Variants in EXOC7 observed in about 807,000 individuals in gnomAD.
EXOC7 encodes exocyst complex component 7.
A neutral mutation model predicts 87.6 loss-of-function variants in EXOC7; 51 were observed. That is an observed-to-expected ratio of 0.58 (90% CI 0.46 to 0.73). The LOEUF is 0.73. Ranked by LOEUF, EXOC7 falls within the 30% of genes least tolerant of loss-of-function variation. The pLI, the probability that EXOC7 is intolerant of heterozygous loss-of-function variation, is 0.00. For synonymous variants in EXOC7, 327 were observed against 357.1 expected (o/e 0.92, Z 0.95); for missense variants, 744 against 888.4 (o/e 0.84, Z 2.07).
At position 76,086,156 on chromosome 17, in the gene EXOC7, A is replaced by C. The variant is rs771491678; in HGVS notation, c.1430-11T>G. 6 of 1,613,054 alleles carry C rather than the reference A, an allele frequency of 3.7e-6. No homozygotes were observed. Among genetic ancestry groups the C allele is most frequent in the South Asian group, 3.3e-5 (3 of 90,992 alleles). On this transcript the variant is annotated splice_polypyrimidine_tract_variant and intron_variant, in intron 12 of 18. Transcript: ENST00000589210. ...CCGAAGAGCTGGTCTCTGTGAGAGG[A>C]GAAGTCCTGTTATTGCAGTGGCAGC...
intron 15 of EXOC7, 50 bp from the exon 16 acceptor site, chr17:76,084,630 G>A: frequency 6.4e-7 from 1 of 1,557,770 alleles, no homozygotes; most frequent in Non-Finnish European, 8.8e-7. Context: ...CTGCCTCAGT[G>A]GCCTGGCTTG....
Position 76,088,171 on chromosome 17 carries a change from C to A in EXOC7, c.1300-49G>T, listed in dbSNP as rs552512243. On this transcript the variant is annotated intron_variant, in intron 10 of 18. Transcript: ENST00000589210. ...CCCTGAAGCAGCCCCCAGCCCACCC[C>A]ATGCCCCAGTGCACCTGCTCATGGT... 3.1e-6 allele frequency: 5 copies of A among 1,587,604 alleles called. No homozygotes were observed. In the South Asian group the frequency reaches 5.6e-5, roughly 18 times the overall value.
chr17:76,088,235 G>T, intron 10 of EXOC7, 113 bp from the exon 11 acceptor site: 1 of 1,172,722 alleles, frequency 8.5e-7, no homozygotes, highest in Non-Finnish European at 1.2e-6. Flanking sequence ...CACCTCTCAG[G>T]CACAAAGGCT....
At chr17:76,085,083 A>G in intron 15 of EXOC7, 2 of 565,428 alleles carry the variant, frequency 3.5e-6, no homozygotes, top group Non-Finnish European at 6.3e-6. Context: ...TAGCCTTGAC[A>G]CTTGGCAGAC....
Position 76,101,708 on chromosome 17 carries a change from G to A in EXOC7, c.282C>T (p.Ala94=), listed in dbSNP as rs1262774309. ...CTCTGATGATCTTCTCAGTGTCACT[G>A]GCCACATGGTAGTAGCTGATGACAT... ...LDHVISYYHV[A]SDTEKIIREG... is the part of the protein sequence containing the mutation. The change falls in exon 3 of 19, where the codon GCC becomes GCT. Residue 94 remains alanine (A), a synonymous_variant. Transcript: ENST00000589210. 1.9e-6 allele frequency: 3 copies of A among 1,613,696 alleles called. No individual in the cohort carries two copies. The highest frequency in any genetic ancestry group is 1.3e-5 in the African/African-American group (1 of 74,874).
At position 76,091,247 on chromosome 17, in the gene EXOC7, G is replaced by A. The variant is rs774262824; in HGVS notation, c.809-12C>T. 5.0e-6 allele frequency: 8 copies of A among 1,611,804 alleles called. No individual in the cohort carries two copies. In the Admixed American group the frequency reaches 8.3e-5, roughly 17 times the overall value. On this transcript the variant is annotated splice_polypyrimidine_tract_variant and intron_variant, in intron 6 of 18. Transcript: ENST00000589210. ...CTTACGGATCGTCCCTGTCACCAGA[G>A]CCACACAGAGAGGAGATAAGAAGAC... is the stretch of plus-strand genomic sequence containing the variant.
intron 18 of EXOC7, 127 bp downstream of exon 18, chr17:76,083,879 A>G: frequency 2.0e-5 from 29 of 1,485,858 alleles, no homozygotes; most frequent in Non-Finnish European, 2.5e-5. Flanking sequence ...CCCGCCCCAA[A>G]GCCCAGGTCG....
chr17:76,083,342 G>A lies in EXOC7; in HGVS notation c.*306C>T. The A allele has an allele frequency of 8.1e-6, 3 of 369,192 alleles. No homozygotes were observed. The highest frequency in any genetic ancestry group is 7.9e-5 in the South Asian group (3 of 37,890). The allele number at this position is 369,192 out of a possible 1,614,324, so 22.9% of individuals were successfully genotyped here. ...TGCTGCTCTTGGTACACATGGAGCA[G>A]CAGTGGGCACAGGCCTCTGTCTTCC... is the stretch of plus-strand genomic sequence containing the variant. On this transcript the variant is annotated 3_prime_UTR_variant, in exon 19 of 19. Transcript: ENST00000589210.
intron 14 of EXOC7, 67 bp downstream of exon 14, chr17:76,085,610 G>A (rs1180710745): frequency 3.7e-6 from 6 of 1,610,434 alleles, no homozygotes; most frequent in African/African-American, 1.3e-5. Context: ...AGGGGGGCAG[G>A]GGCTGGCACA....
In EXOC7 at chr17:76,088,200, G is replaced by A. The variant is rs534059588; in HGVS notation, c.1300-78C>T. ...CCCCAGTGCACCTGCTCATGGTGCCGCCTCCTGGCAGACGGGTGCTAGGAC... is the reference window on the plus strand; with the variant it reads ...CCCCAGTGCACCTGCTCATGGTGCCACCTCCTGGCAGACGGGTGCTAGGAC... On this transcript the variant is annotated intron_variant, in intron 10 of 18. Coordinates refer to ENST00000589210, the MANE Select transcript of EXOC7 (RefSeq NM_001013839.4). 47 of 1,448,256 alleles carry A rather than the reference G, an allele frequency of 3.2e-5. No individual in the cohort carries two copies. The East Asian group carries it at 5.5e-4, about 17-fold the overall frequency. 89.7% of individuals were successfully genotyped at this position (1,448,256 alleles called of 1,614,324 possible). A position where few individuals can be genotyped will look rare whatever the true frequency, so the allele number is the denominator to read the frequency against.
rs1385115166 is a variant in EXOC7, at chr17:76,088,469, T to C, written c.1294A>G (p.Ile432Val). The change falls in exon 10 of 19, where the codon ATC (isoleucine) becomes GTC (valine). Residue 432 changes from isoleucine to valine, a missense_variant. Ile to Val is a conservative substitution (Grantham distance 29, BLOSUM62 3). Around this residue, in one of 3 missense-constraint regions of EXOC7, gnomAD observed 512 missense variants for 573.0 expected, o/e 0.89. Transcript: ENST00000589210. ...AKALEDFADNIKNDPDKEYNM... is the reference protein window; with the variant it reads ...AKALEDFADNVKNDPDKEYNM... The stretch of plus-strand genomic sequence containing the variant: ...AAGGGGAGGACAGCAGGGACCTTGA[T>C]GTTGTCTGCGAAGTCCTCCAGCGCT... The C allele has an allele frequency of 3.7e-6, 6 of 1,613,436 alleles. No individual in the cohort carries two copies. In the Admixed American group the frequency reaches 8.3e-5, roughly 22 times the overall value.
At chr17:76,097,703 C>CAAAA (rs57781252) in intron 5 of EXOC7, 93 bp downstream of exon 5, 13 of 318,304 alleles carry the variant, frequency 4.1e-5, no homozygotes, top group Non-Finnish European at 6.4e-5. Flanking sequence ...GACTCCATCT[C>CAAAA]AAAAAAAAAA....
chr17:76,081,270 C>G lies in EXOC7; in HGVS notation c.*2378G>C. ...TCCTGGTTCATAGTTCTCATTCCCACCCCTCAGCGATGGAGTTAGAGTTCC... is the reference window on the plus strand; with the variant it reads ...TCCTGGTTCATAGTTCTCATTCCCAGCCCTCAGCGATGGAGTTAGAGTTCC... On this transcript the variant is annotated 3_prime_UTR_variant, in exon 19 of 19. Transcript: ENST00000589210. The G allele has an allele frequency of 6.2e-7, 1 of 1,613,382 alleles. No homozygotes were observed. Among genetic ancestry groups the G allele is most frequent in the Non-Finnish European group, 8.5e-7 (1 of 1,179,874 alleles).
intron 11 of EXOC7, 143 bp from the exon 12 acceptor site, chr17:76,087,863 C>G: frequency 9.8e-7 from 1 of 1,017,226 alleles, no homozygotes; most frequent in South Asian, 1.4e-5. Context: ...CATTTTCACT[C>G]TAGCCTGCCA....
chr17:76,089,467 G>C, intron 7 of EXOC7, 147 bp from the exon 8 acceptor site: 3 of 1,051,518 alleles, frequency 2.9e-6, no homozygotes, highest in Non-Finnish European at 4.1e-6. Flanking sequence ...AAAGCTGCAA[G>C]GGAGCCAGCA....
At chr17:76,090,320 G>A (rs777685879) in intron 7 of EXOC7, 27 of 1,550,404 alleles carry the variant, frequency 1.7e-5, no homozygotes, top group African/African-American at 1.6e-4. Context: ...GCTGGGCTGC[G>A]GTACTCACCG....
intron 12 of EXOC7, 43 bp downstream of exon 12, chr17:76,087,611 G>C: frequency 6.5e-7 from 1 of 1,537,856 alleles, no homozygotes; most frequent in East Asian, 2.4e-5. Flanking sequence ...CTCCAGGCAA[G>C]GAGGCGAGTG....
At chr17:76,089,447 G>T in intron 7 of EXOC7, 127 bp from the exon 8 acceptor site, 1 of 1,242,746 alleles carries the variant, frequency 8.0e-7, no homozygotes, top group Non-Finnish European at 1.1e-6. Flanking sequence ...GAGGCTGACT[G>T]TTCTGGCAGA....
Position 76,094,338 on chromosome 17 carries a change from C to T in EXOC7, c.808+76G>A, listed in dbSNP as rs541353395. On this transcript the variant is annotated intron_variant, in intron 6 of 18. Transcript: ENST00000589210. ...CTCTGGAGGGGCCTGACGCTGCGAA[C>T]GCTAGATTGGACTAAAGCAGTACAG... 340 of 1,487,188 alleles carry T rather than the reference C, an allele frequency of 2.3e-4. 2 individuals are homozygous for T. In the African/African-American group the frequency reaches 3.7e-3, roughly 16 times the overall value. The allele number at this position is 1,487,188 out of a possible 1,614,324, so 92.1% of individuals were successfully genotyped here. A position where few individuals can be genotyped will look rare whatever the true frequency, so the allele number is the denominator to read the frequency against.
Sources: allele counts gnomAD v4.1 joint callset, GRCh38; gene constraint gnomAD v4.1.1; regional missense constraint gnomAD v4.1.1; transcripts MANE v1.5; gene names NCBI Gene and HGNC (gene_info 2026-07-23, HGNC 2026-07-21).